The following PRKAR1A variants were observed in gnomAD, a reference collection of about 807,000 sequenced individuals.
The protein encoded by PRKAR1A is protein kinase cAMP-dependent type I regulatory subunit alpha, also known as cAMP-dependent protein kinase type I-alpha regulatory subunit.
Under a neutral mutation model 52.0 loss-of-function variants are expected in PRKAR1A, and 3 were observed. The observed-to-expected ratio is 0.06, with a 90% confidence interval of 0.03 to 0.15. The LOEUF is 0.15. Among genes scored for constraint, PRKAR1A ranks in the 10% least tolerant of loss-of-function variants. The pLI is 1.00. For missense variants in PRKAR1A, 240 were observed against 477.4 expected (o/e 0.50, Z 4.63); for synonymous variants, 188 against 168.4 (o/e 1.12, Z -0.90).
the PRKAR1A span, among the ~76,000 whole-genome samples, chr17:68,472,523 G>T: frequency 6.6e-6 from 1 of 152,146 alleles, no homozygotes; most frequent in Admixed American, 6.5e-5. Flanking sequence ...TGCTGTTAAA[G>T]ACACTAAAAC....
the PRKAR1A span, among the ~76,000 whole-genome samples, chr17:68,490,170 C>A: frequency 5.3e-5 from 8 of 152,248 alleles, no homozygotes; most frequent in African/African-American, 1.9e-4. Context: ...CCCTTCAGCT[C>A]CAGGCTAACA....
chr17:68,483,037 C>T, the PRKAR1A span, among the ~76,000 whole-genome samples: 1 of 151,950 alleles, frequency 6.6e-6, no homozygotes, highest in Non-Finnish European at 1.5e-5. Flanking sequence ...CATTGGCTAA[C>T]TTAAAGTCAG....
At chr17:68,505,023 C>T in the PRKAR1A span, among the ~76,000 whole-genome samples, 1 of 152,128 alleles carries the variant, frequency 6.6e-6, no homozygotes, top group South Asian at 2.1e-4. Flanking sequence ...GTTGGACAGG[C>T]GTGGTGGCTC....
chr17:68,510,798 C>T (rs1040244841), upstream of PRKAR1A, among the ~76,000 whole-genome samples: 4 of 152,118 alleles, frequency 2.6e-5, no homozygotes, highest in Admixed American at 2.0e-4. Context: ...GCCTGATTGC[C>T]CTTTTGATAT....
the PRKAR1A span, among the ~76,000 whole-genome samples, chr17:68,433,760 GTTTTTTTTTTTTTTTTTTTTTTTTT>G: frequency 1.2e-4 from 9 of 72,822 alleles, no homozygotes; most frequent in South Asian, 5.5e-4. Context: ...AAGGGTCATA[GTTTTTTTTTTTTTTTTTTTTTTTTT>G]TTTTTTTTTT....
At chr17:68,428,021 G>T in the PRKAR1A span, among the ~76,000 whole-genome samples, 6 of 152,042 alleles carry the variant, frequency 3.9e-5, no homozygotes, top group Admixed American at 2.0e-4. Context: ...CTCCCAAGTA[G>T]CTGGGACTAC....
At chr17:68,540,505 G>A (rs532907560) in intron 11 of PRKAR1A, 3 of 478,370 alleles carry the variant, frequency 6.3e-6, no homozygotes, top group South Asian at 1.5e-5. Flanking sequence ...CTCGCCTGAG[G>A]CCCTCCCTGC....
intron 2 of PRKAR1A, among the ~76,000 whole-genome samples, chr17:68,518,570 GT>G (rs1461046447): frequency 4.6e-5 from 7 of 152,334 alleles, no homozygotes; most frequent in South Asian, 2.1e-4. Flanking sequence ...AGGGTACCAT[GT>G]CCTGAGGCTG....
the PRKAR1A span, chr17:68,421,432 C>T: frequency 3.4e-6 from 1 of 295,560 alleles, no homozygotes; most frequent in African/African-American, 2.1e-5. Context: ...AAGAGATGTT[C>T]CTATAAGTAC....
At chr17:68,543,023 A>G (rs1425072144) in intron 11 of PRKAR1A, among the ~76,000 whole-genome samples, 1 of 152,058 alleles carries the variant, frequency 6.6e-6, no homozygotes, top group Non-Finnish European at 1.5e-5. Context: ...TTGAAAATGA[A>G]TCCTTATTCC....
At chr17:68,550,967 A>G (rs1192209353) in intron 11 of PRKAR1A, 2 of 918,074 alleles carry the variant, frequency 2.2e-6, no homozygotes, top group East Asian at 3.3e-5. Flanking sequence ...CTCCCCTTGA[A>G]TGGCTGAAGG....
In PRKAR1A at chr17:68,530,022, A is replaced by G. The variant is rs758434846; in HGVS notation, c.973+21A>G. The G allele has an allele frequency of 5.0e-6, 8 of 1,605,264 alleles. No homozygotes were observed. The South Asian group carries it at 6.6e-5, about 13-fold the overall frequency. On this transcript the variant is annotated intron_variant, in intron 10 of 10. Transcript: ENST00000589228. ...TTTTGGTATGTATGAATTCCCTCAC[A>G]ATAAATACATGGTTTCTTTAAGTCA...
the PRKAR1A span, among the ~76,000 whole-genome samples, chr17:68,489,259 A>ATATATATATG: frequency 1.5e-4 from 4 of 27,094 alleles, 1 homozygote; most frequent in African/African-American, 7.5e-4. Flanking sequence ...ATATATATAT[A>ATATATATATG]TGGAAAGTAT....
the PRKAR1A span, among the ~76,000 whole-genome samples, chr17:68,452,161 A>T: frequency 6.6e-6 from 1 of 152,254 alleles, no homozygotes; most frequent in Admixed American, 6.5e-5. Flanking sequence ...ATGCTTCAAC[A>T]TCATTGACAT....
chr17:68,540,025 A>G lies in PRKAR1A; in HGVS notation c.973+10024A>G. The G allele has an allele frequency of 2.1e-6, 3 of 1,444,324 alleles. No individual in the cohort carries two copies. In the South Asian group the frequency reaches 3.5e-5, roughly 17 times the overall value. 89.5% of individuals were successfully genotyped at this position (1,444,324 alleles called of 1,614,324 possible). ...CAGGCCAGGGGGACAGGTGCTCCTG[A>G]CCTGAGTTCTCTCCAGGGAACGGAG... On this transcript the variant is annotated intron_variant, in intron 11 of 11. Transcript: ENST00000585981.
Position 68,546,406 on chromosome 17 carries a change from G to A in PRKAR1A, c.974-4678G>A, listed in dbSNP as rs372383168. Among the ~76,000 whole-genome samples, 8 of 151,884 alleles carry A rather than the reference G, an allele frequency of 5.3e-5. No individual in the cohort carries two copies. The East Asian group carries it at 5.8e-4, about 11-fold the overall frequency. ...TGTTGATATTTTTACCTCCTTCCAC[G>A]CATCACAAATTTTCTTAATGGCATC... On this transcript the variant is annotated intron_variant, in intron 11 of 11. Coordinates refer to the PRKAR1A transcript ENST00000585981.
At chr17:68,445,718 G>A in the PRKAR1A span, among the ~76,000 whole-genome samples, 1 of 152,180 alleles carries the variant, frequency 6.6e-6, no homozygotes, top group East Asian at 1.9e-4. Flanking sequence ...GGAATATAAC[G>A]CATAGCCCAG....
exon 12 of PRKAR1A, chr17:68,551,271 T>C (rs2086822309): frequency 2.0e-6 from 1 of 501,178 alleles, no homozygotes; most frequent in African/African-American, 2.0e-5. Flanking sequence ...TTTCAAGGCA[T>C]GTAGTTGCTG....
At chr17:68,429,543 T>C in the PRKAR1A span, among the ~76,000 whole-genome samples, 1 of 152,176 alleles carries the variant, frequency 6.6e-6, no homozygotes, top group Non-Finnish European at 1.5e-5. Flanking sequence ...TGAAGTCAGA[T>C]AGGAAAAGCA....
Sources: gnomAD v4.1 joint callset for allele counts (sites outside exome capture counted in the v4.1 genomes callset) on GRCh38, gnomAD v4.1.1 for gene constraint, MANE v1.5 for transcripts, NCBI Gene and HGNC (gene_info 2026-07-23, HGNC 2026-07-21) for gene names.